Variants in AGBL4 observed in about 807,000 individuals in gnomAD.
The protein encoded by AGBL4 is cytosolic carboxypeptidase 6.
In AGBL4, 58 loss-of-function variants were observed where a neutral mutation model predicts 66.4. The observed-to-expected ratio is 0.87, with a 90% CI of 0.71 to 1.09. The LOEUF is 1.09. Ranked by LOEUF, AGBL4 falls within the 50% of genes least tolerant of loss-of-function variation. The pLI is 0.00. For synonymous variants in AGBL4, 234 were observed against 222.9 expected (o/e 1.05, Z -0.44); for missense variants, 579 against 631.0 (o/e 0.92, Z 0.88).
intron 3 of AGBL4, among the ~76,000 whole-genome samples, chr1:49,495,450 A>T (rs1368699308): frequency 6.6e-6 from 1 of 152,014 alleles, no homozygotes; most frequent in Non-Finnish European, 1.5e-5. Flanking sequence ...GGCCCAGGGA[A>T]TCCAAAAGAT....
intron 6 of AGBL4, among the ~76,000 whole-genome samples, chr1:48,727,306 C>T (rs889445066): frequency 2.0e-5 from 3 of 152,158 alleles, no homozygotes; most frequent in African/African-American, 7.2e-5. Context: ...AGAAAGGTGA[C>T]TGGTCCAAGA....
chr1:49,047,271 G>T (rs1178674817), intron 4 of AGBL4, among the ~76,000 whole-genome samples: 1 of 152,074 alleles, frequency 6.6e-6, no homozygotes, highest in African/African-American at 2.4e-5. Context: ...GGGCCATGGG[G>T]TCTAAGGTGG....
At position 49,971,295 on chromosome 1, in the gene AGBL4, T is replaced by G. The variant is rs796284470; in HGVS notation, c.34+52468A>C. Among the ~76,000 whole-genome samples the G allele has an allele frequency of 8.5e-5, 13 of 152,318 alleles. No individual in the cohort carries two copies. In the South Asian group the frequency reaches 2.7e-3, roughly 32 times the overall value. ...CATCCCTTTGTCCAGCATACCATAC[T>G]ATATATGCTACCTGCCCATTAGTCA... is the stretch of plus-strand genomic sequence containing the variant. On this transcript the variant is annotated intron_variant, in intron 1 of 13. Coordinates refer to ENST00000371839, the MANE Select transcript of AGBL4 (RefSeq NM_032785.4).
At chr1:49,945,074 T>C (rs1204474703) in intron 1 of AGBL4, among the ~76,000 whole-genome samples, 1 of 152,020 alleles carries the variant, frequency 6.6e-6, no homozygotes, top group Non-Finnish European at 1.5e-5. Context: ...TTATGTTAAA[T>C]GACCAAACCT....
At chr1:49,465,100 G>T (rs1421428511) in intron 3 of AGBL4, among the ~76,000 whole-genome samples, 2 of 151,500 alleles carry the variant, frequency 1.3e-5, no homozygotes, top group Non-Finnish European at 3.0e-5. Flanking sequence ...CCTGGGTGAG[G>T]TACATACACT....
At position 49,918,379 on chromosome 1, in the gene AGBL4, C is replaced by T. The variant is rs35493835; in HGVS notation, c.35-66861G>A. Among the ~76,000 whole-genome samples, 627 of 152,106 alleles carry T rather than the reference C, an allele frequency of 4.1e-3. 4 individuals carry two copies. Among genetic ancestry groups the T allele is most frequent in the African/African-American group, 0.013 (536 of 41,500 alleles). On this transcript the variant is annotated intron_variant, in intron 1 of 13. Coordinates refer to ENST00000371839, the MANE Select transcript of AGBL4 (RefSeq NM_032785.4). ...AGAAAAGAGAGAAGAATCAAATAGA[C>T]GCAACAAAAAATGATAAAGGGGATA...
At chr1:49,923,932 A>G (rs541522655) in intron 1 of AGBL4, among the ~76,000 whole-genome samples, 2 of 152,250 alleles carry the variant, frequency 1.3e-5, no homozygotes, top group South Asian at 4.1e-4. Context: ...ACCTAAAGAC[A>G]GAACTACCAT....
chr1:48,703,128 G>A (rs977193517), intron 6 of AGBL4, among the ~76,000 whole-genome samples: 1 of 152,126 alleles, frequency 6.6e-6, no homozygotes, highest in African/African-American at 2.4e-5. Flanking sequence ...AAAACTTAGA[G>A]AAAGAGAAAG....
intron 2 of AGBL4, among the ~76,000 whole-genome samples, chr1:49,719,558 A>G (rs566838641): frequency 6.6e-6 from 1 of 152,218 alleles, no homozygotes; most frequent in African/African-American, 2.4e-5. Flanking sequence ...AAATTTAGTC[A>G]CCTTGCGTCA....
At chr1:48,770,220 T>C (rs1644744709) in intron 6 of AGBL4, among the ~76,000 whole-genome samples, 1 of 152,210 alleles carries the variant, frequency 6.6e-6, no homozygotes, top group Non-Finnish European at 1.5e-5. Context: ...CAAAATATCA[T>C]CCCATTCAAA....
At chr1:49,826,631 GA>G (rs1219113853) in intron 2 of AGBL4, among the ~76,000 whole-genome samples, 1 of 152,186 alleles carries the variant, frequency 6.6e-6, no homozygotes, top group Non-Finnish European at 1.5e-5. Context: ...CAAGACTACA[GA>G]AAATTGTTTT....
At chr1:49,737,062 G>A (rs1334940788) in intron 2 of AGBL4, among the ~76,000 whole-genome samples, 1 of 152,000 alleles carries the variant, frequency 6.6e-6, no homozygotes, top group African/African-American at 2.4e-5. Flanking sequence ...CAGAGAAAAG[G>A]GATAGCTTAT....
At chr1:49,828,263 A>G (rs887381681) in intron 2 of AGBL4, among the ~76,000 whole-genome samples, 1 of 152,250 alleles carries the variant, frequency 6.6e-6, no homozygotes, top group Non-Finnish European at 1.5e-5. Flanking sequence ...TAGACAAAGT[A>G]ACTATTCTTA....
At chr1:48,994,697 A>G (rs1371124365) in intron 5 of AGBL4, among the ~76,000 whole-genome samples, 1 of 152,212 alleles carries the variant, frequency 6.6e-6, no homozygotes, top group Non-Finnish European at 1.5e-5. Flanking sequence ...TGGCTTACTT[A>G]TGATGTTGAA....
chr1:49,288,190 A>T (rs1445580048), intron 3 of AGBL4, among the ~76,000 whole-genome samples: 2 of 126,968 alleles, frequency 1.6e-5, no homozygotes, highest in Admixed American at 1.8e-4. Context: ...CAGGAAGGGG[A>T]ATATCACACT....
chr1:49,687,116 G>C (rs766795317), intron 3 of AGBL4, among the ~76,000 whole-genome samples: 5 of 152,166 alleles, frequency 3.3e-5, no homozygotes, highest in Non-Finnish European at 7.3e-5. Context: ...AGGTAATAGA[G>C]GGGTATTTAA....
At chr1:48,765,228 G>C (rs916460379) in intron 6 of AGBL4, among the ~76,000 whole-genome samples, 2 of 152,240 alleles carry the variant, frequency 1.3e-5, no homozygotes, top group East Asian at 3.9e-4. Flanking sequence ...CCATATCATA[G>C]AACTATCCAT....
At chr1:49,499,333 G>T (rs1211086327) in intron 3 of AGBL4, among the ~76,000 whole-genome samples, 1 of 151,816 alleles carries the variant, frequency 6.6e-6, no homozygotes, top group Non-Finnish European at 1.5e-5. Context: ...TATCCAATTT[G>T]TTGGTATATA....
At chr1:48,932,584 A>G (rs941323258) in intron 5 of AGBL4, among the ~76,000 whole-genome samples, 2 of 152,170 alleles carry the variant, frequency 1.3e-5, no homozygotes, top group African/African-American at 4.8e-5. Context: ...TTGCCAGGGA[A>G]ACTGTGTATG....
Sources: gnomAD v4.1 joint callset for allele counts (sites outside exome capture counted in the v4.1 genomes callset) on GRCh38, gnomAD v4.1.1 for gene constraint, MANE v1.5 for transcripts, NCBI Gene and HGNC (gene_info 2026-07-23, HGNC 2026-07-21) for gene names.